VAV3: variants seen among roughly 807,000 people sequenced by gnomAD.
VAV3 encodes guanine nucleotide exchange factor VAV3.
Under a neutral mutation model 131.2 loss-of-function variants are expected in VAV3, and 94 were observed. The observed-to-expected ratio is 0.72, with a 90% CI of 0.61 to 0.85. The LOEUF (loss-of-function observed/expected upper bound fraction) is 0.85, where lower values mean the gene tolerates loss of function less well. Ranked by LOEUF, VAV3 falls within the 40% of genes least tolerant of loss-of-function variation. VAV3 has a pLI of 0.00. For missense variants in VAV3, 939 were observed against 1,002.7 expected (o/e 0.94, Z 0.86); for synonymous variants, 349 against 342.0 (o/e 1.02, Z -0.22).
At chr1:107,809,408 CT>C (rs1333982830) in intron 2 of VAV3, among the ~76,000 whole-genome samples, 4 of 152,182 alleles carry the variant, frequency 2.6e-5, no homozygotes, top group African/African-American at 7.2e-5. Flanking sequence ...GCACCCATTT[CT>C]TTGTCCTTGG....
chr1:107,785,048 A>C (rs186021593), intron 2 of VAV3, among the ~76,000 whole-genome samples: 1 of 152,308 alleles, frequency 6.6e-6, no homozygotes, highest in African/African-American at 2.4e-5. Context: ...AAAAACCACA[A>C]AATAAAACAG....
chr1:107,633,463 A>G (rs1654662499), intron 20 of VAV3, among the ~76,000 whole-genome samples: 1 of 152,030 alleles, frequency 6.6e-6, no homozygotes, highest in Non-Finnish European at 1.5e-5. Flanking sequence ...GTTGTGAAAA[A>G]CTGATTGGCT....
chr1:107,853,057 A>C (rs1669299914), intron 2 of VAV3, among the ~76,000 whole-genome samples: 1 of 152,172 alleles, frequency 6.6e-6, no homozygotes, highest in Admixed American at 6.5e-5. Context: ...AAGCATGTTT[A>C]CTGGTCACTC....
intron 15 of VAV3, among the ~76,000 whole-genome samples, chr1:107,740,474 A>G (rs749567589): frequency 1.3e-5 from 2 of 152,190 alleles, no homozygotes; most frequent in Non-Finnish European, 2.9e-5. Context: ...TTAATATTCA[A>G]TTAGACAGTA....
In VAV3 at chr1:107,603,712, A is replaced by AT. The variant is rs573095493; in HGVS notation, c.2016-550dup. ...AGTAAAATTTACTTTTAAAAGGTAG[A>AT]TTTTTTTTTTTGCATAGAAAGAACA... On this transcript the variant is annotated intron_variant, in intron 22 of 26. Transcript: ENST00000370056. Among the ~76,000 whole-genome samples, 639 of 147,638 alleles carry AT rather than the reference A, an allele frequency of 4.3e-3. 3 individuals carry two copies. Among genetic ancestry groups the AT allele is most frequent in the Non-Finnish European group, 4.7e-3 (311 of 66,374 alleles).
At chr1:107,772,644 A>C (rs1665113308) in intron 5 of VAV3, 91 bp downstream of exon 5, 2 of 1,125,340 alleles carry the variant, frequency 1.8e-6, no homozygotes, top group Non-Finnish European at 1.3e-6. Context: ...GGTTAAAAAA[A>C]ATCCCAGCAG....
At chr1:107,867,088 ACTATG>A (rs1670024194) in intron 2 of VAV3, among the ~76,000 whole-genome samples, 2 of 152,196 alleles carry the variant, frequency 1.3e-5, no homozygotes, top group South Asian at 2.1e-4. Flanking sequence ...CAGTTCCTTT[ACTATG>A]CTATATCTCA....
intron 15 of VAV3, among the ~76,000 whole-genome samples, chr1:107,709,376 C>T (rs1226464442): frequency 6.6e-6 from 1 of 152,068 alleles, no homozygotes; most frequent in Non-Finnish European, 1.5e-5. Flanking sequence ...CCTTTTGCCA[C>T]ATTATCAGAT....
chr1:107,808,336 G>T (rs1027289963), intron 2 of VAV3, among the ~76,000 whole-genome samples: 2 of 152,056 alleles, frequency 1.3e-5, no homozygotes, highest in Admixed American at 1.3e-4. Flanking sequence ...AATGTGATTA[G>T]GAAAGATAAG....
chr1:107,708,510 A>G (rs1206684931), intron 15 of VAV3, among the ~76,000 whole-genome samples: 4 of 152,194 alleles, frequency 2.6e-5, no homozygotes, highest in Non-Finnish European at 5.9e-5. Context: ...TTATAGGGCA[A>G]GGAATGTTGA....
intron 15 of VAV3, among the ~76,000 whole-genome samples, chr1:107,728,594 C>T (rs139718082): frequency 5.8e-5 from 4 of 69,262 alleles, no homozygotes; most frequent in Admixed American, 5.0e-4. Flanking sequence ...CATATGTATA[C>T]GTATACGTAT....
chr1:107,734,685 T>C (rs1662480096), intron 15 of VAV3, among the ~76,000 whole-genome samples: 1 of 152,064 alleles, frequency 6.6e-6, no homozygotes, highest in Non-Finnish European at 1.5e-5. Flanking sequence ...ATGCACCCAA[T>C]ACAGGAGCAC....
At chr1:107,864,377 TTTG>T (rs1669882285) in intron 2 of VAV3, among the ~76,000 whole-genome samples, 1 of 152,132 alleles carries the variant, frequency 6.6e-6, no homozygotes, top group South Asian at 2.1e-4. Context: ...ATCCAAGCAC[TTTG>T]GGAGGCTGAG....
Position 107,828,396 on chromosome 1 carries a change from A to T in VAV3, c.321+46505T>A, listed in dbSNP as rs936141954. Among the ~76,000 whole-genome samples, 4 of 152,190 alleles carry T rather than the reference A, an allele frequency of 2.6e-5. No homozygotes were observed. In the South Asian group the frequency reaches 8.3e-4, roughly 32 times the overall value. ...TATATTAGTTTTCTATACTGCTGTA[A>T]CAAATTACCACAAATGTATGGCCTA... is the stretch of plus-strand genomic sequence containing the variant. On this transcript the variant is annotated intron_variant, in intron 2 of 26. Transcript: ENST00000370056.
chr1:107,642,829 AT>A (rs1322730657), intron 19 of VAV3, 74 bp from the exon 20 acceptor site: 1 of 1,589,170 alleles, frequency 6.3e-7, no homozygotes, highest in Non-Finnish European at 8.5e-7. Flanking sequence ...TTTACAAAAA[AT>A]GTCATTATTA....
intron 1 of VAV3, among the ~76,000 whole-genome samples, chr1:107,918,654 GT>G (rs947384936): frequency 4.1e-5 from 6 of 146,408 alleles, no homozygotes; most frequent in African/African-American, 1.5e-4. Context: ...GTAAAAAGTA[GT>G]TTTAAGGCAT....
chr1:107,926,288 A>AAAAAC (rs1173302064), intron 1 of VAV3, among the ~76,000 whole-genome samples: 3 of 152,038 alleles, frequency 2.0e-5, no homozygotes, highest in Admixed American at 6.6e-5. Flanking sequence ...TCTCAAAAAC[A>AAAAAC]AAAACAAAAC....
chr1:107,789,488 A>G (rs1340106521), intron 2 of VAV3, among the ~76,000 whole-genome samples: 1 of 152,234 alleles, frequency 6.6e-6, no homozygotes, highest in Admixed American at 6.5e-5. Flanking sequence ...AACAGAAGTT[A>G]TGACTGCCTA....
chr1:107,578,204 C>T (rs1649786782), intron 25 of VAV3, among the ~76,000 whole-genome samples: 1 of 152,168 alleles, frequency 6.6e-6, no homozygotes, highest in African/African-American at 2.4e-5. Flanking sequence ...GCATTAATGA[C>T]AGACTTTTCT....
Sources: allele counts gnomAD v4.1 joint callset (sites outside exome capture counted in the v4.1 genomes callset), GRCh38; gene constraint gnomAD v4.1.1; transcripts MANE v1.5; gene names NCBI Gene and HGNC (gene_info 2026-07-23, HGNC 2026-07-21).